Variants in ERVH48-1 observed in about 807,000 individuals in gnomAD.
The protein encoded by ERVH48-1 is suppressyn.
Under a neutral mutation model 2.4 loss-of-function variants are expected in ERVH48-1, and 4 were observed. That is an observed-to-expected ratio of 1.68 (90% confidence interval 0.83 to 3.84). The LOEUF is 3.84. Ranked by LOEUF, ERVH48-1 falls within the 30% of genes most tolerant of loss-of-function variation. The probability of loss-of-function intolerance (pLI) is 0.01; values close to 1 mark genes in which losing one functional copy is unlikely to be tolerated. For missense variants in ERVH48-1, 97 were observed against 43.4 expected (o/e 2.23, Z -3.47); for synonymous variants, 32 against 15.5 (o/e 2.06, Z -2.49).
intron 1 of ERVH48-1, among the ~76,000 whole-genome samples, chr21:42,922,274 G>T (rs2058808086): frequency 6.6e-6 from 1 of 152,014 alleles, no homozygotes; most frequent in Admixed American, 6.6e-5. Context: ...GATAAGGAAA[G>T]GTTGCATGTT....
At chr21:42,924,030 A>T (rs776145716) in intron 1 of ERVH48-1, among the ~76,000 whole-genome samples, 10 of 152,236 alleles carry the variant, frequency 6.6e-5, no homozygotes, top group Non-Finnish European at 1.0e-4. Context: ...CAGACGCTGA[A>T]GTAAGGGTGG....
chr21:42,917,225 T>G lies in ERVH48-1; in HGVS notation c.*1299A>C, dbSNP rs941577020. The stretch of plus-strand genomic sequence containing the variant: ...CTTGGAAAAAGAAAAACTTAATTTT[T>G]GGGGTATTCTTGAGAGACGGGTTGG... On this transcript the variant is annotated 3_prime_UTR_variant, in exon 2 of 2. Transcript: ENST00000447535. The G allele has an allele frequency of 2.6e-5, 4 of 152,146 alleles. No individual in the cohort carries two copies. Among genetic ancestry groups the G allele is most frequent in the Non-Finnish European group, 5.9e-5 (4 of 68,022 alleles). The allele number at this position is 152,146 out of a possible 1,614,324, so 9.4% of individuals were successfully genotyped here. A position where few individuals can be genotyped will look rare whatever the true frequency, so the allele number is the denominator to read the frequency against.
intron 1 of ERVH48-1, among the ~76,000 whole-genome samples, chr21:42,921,151 A>C (rs187263003): frequency 2.6e-5 from 4 of 152,178 alleles, no homozygotes; most frequent in Non-Finnish European, 5.9e-5. Context: ...AGACTGGGTT[A>C]GAACACGTAG....
At chr21:42,919,925 G>A (rs1307357519) in intron 1 of ERVH48-1, among the ~76,000 whole-genome samples, 1 of 152,164 alleles carries the variant, frequency 6.6e-6, no homozygotes. Context: ...CTTGCCCTGG[G>A]CTTGGTGGGT....
intron 1 of ERVH48-1, among the ~76,000 whole-genome samples, chr21:42,924,146 A>G (rs1217929485): frequency 6.6e-6 from 1 of 152,174 alleles, no homozygotes; most frequent in Non-Finnish European, 1.5e-5. Context: ...TTGAGTTAAT[A>G]GGCAGCAGAG....
intron 1 of ERVH48-1, among the ~76,000 whole-genome samples, chr21:42,922,917 T>C (rs1377292140): frequency 2.0e-5 from 3 of 152,058 alleles, no homozygotes; most frequent in African/African-American, 4.8e-5. Context: ...GTTGACTTGA[T>C]ATTAATTTTA....
chr21:42,925,442 T>C lies in ERVH48-1; in HGVS notation c.-382A>G. ...GGCTGCTGTGGCCTGCTTTCCCAGA[T>C]GGAGGGGTGGTAGGTCCACTGGGGA... On this transcript the variant is annotated 5_prime_UTR_variant, in exon 1 of 2. Transcript: ENST00000447535. The C allele has an allele frequency of 2.1e-6, 1 of 477,740 alleles. No individual in the cohort carries two copies. Among genetic ancestry groups the C allele is most frequent in the South Asian group, 1.9e-5 (1 of 53,572 alleles). 29.6% of individuals were successfully genotyped at this position (477,740 alleles called of 1,614,324 possible). A position where few individuals can be genotyped will look rare whatever the true frequency, so the allele number is the denominator to read the frequency against.
At position 42,918,152 on chromosome 21, in the gene ERVH48-1, TAGA is replaced by T. The variant is rs1046776263; in HGVS notation, c.*369_*371del. 9 of 236,018 alleles carry T rather than the reference TAGA, an allele frequency of 3.8e-5. No homozygotes were observed. Among genetic ancestry groups the T allele is most frequent in the Non-Finnish European group, 7.5e-5 (9 of 119,220 alleles). The allele number at this position is 236,018 out of a possible 1,614,324, so 14.6% of individuals were successfully genotyped here. A position where few individuals can be genotyped will look rare whatever the true frequency, so the allele number is the denominator to read the frequency against. Reference sequence around the variant, plus strand: ...AAGACACAATTGAGGTAGCTTAAGTTAGAAGGAGACCAGGCTCCAGGGGGTAAC... The same window carrying T: ...AAGACACAATTGAGGTAGCTTAAGTTAGGAGACCAGGCTCCAGGGGGTAAC... On this transcript the variant is annotated 3_prime_UTR_variant, in exon 2 of 2. Coordinates refer to ENST00000447535, the MANE Select transcript of ERVH48-1 (RefSeq NM_001308491.2).
chr21:42,922,090 G>A (rs1423561347), intron 1 of ERVH48-1, among the ~76,000 whole-genome samples: 2 of 152,098 alleles, frequency 1.3e-5, no homozygotes, highest in East Asian at 3.9e-4. Flanking sequence ...GGTGACTGGC[G>A]AGGAGGCGAG....
In ERVH48-1 at chr21:42,918,149, A is replaced by C. The variant is rs2058794353; in HGVS notation, c.*375T>G. The C allele has an allele frequency of 1.3e-5, 3 of 230,602 alleles. 1 individual carries two copies. Among genetic ancestry groups the C allele is most frequent in the Non-Finnish European group, 2.6e-5 (3 of 116,054 alleles). 14.3% of individuals were successfully genotyped at this position (230,602 alleles called of 1,614,324 possible). Reference sequence around the variant, plus strand: ...GACAAGACACAATTGAGGTAGCTTAAGTTAGAAGGAGACCAGGCTCCAGGG... The same window carrying C: ...GACAAGACACAATTGAGGTAGCTTACGTTAGAAGGAGACCAGGCTCCAGGG... On this transcript the variant is annotated 3_prime_UTR_variant, in exon 2 of 2. Coordinates refer to ENST00000447535, the MANE Select transcript of ERVH48-1 (RefSeq NM_001308491.2).
At chr21:42,919,641 G>A (rs138165570) in intron 1 of ERVH48-1, among the ~76,000 whole-genome samples, 213 of 152,316 alleles carry the variant, frequency 1.4e-3, no homozygotes, top group African/African-American at 5.0e-3. Flanking sequence ...CCGGTAGGGT[G>A]TGTGGAGAAC....
intron 1 of ERVH48-1, among the ~76,000 whole-genome samples, chr21:42,924,020 C>A (rs1373514792): frequency 2.6e-5 from 4 of 152,194 alleles, no homozygotes; most frequent in Non-Finnish European, 5.9e-5. Flanking sequence ...CATTCTAGCA[C>A]AGACGCTGAA....
rs1463465593 is a variant in ERVH48-1, at chr21:42,918,824, A to G, written c.183T>C (p.Phe61=). The G allele has an allele frequency of 2.2e-6, 1 of 456,784 alleles. No individual in the cohort carries two copies. Among genetic ancestry groups the G allele is most frequent in the Non-Finnish European group, 4.4e-6 (1 of 227,030 alleles). 28.3% of individuals were successfully genotyped at this position (456,784 alleles called of 1,614,324 possible). A position where few individuals can be genotyped will look rare whatever the true frequency, so the allele number is the denominator to read the frequency against. The change falls in exon 2 of 2, where the codon TTT becomes TTC. Residue 61 remains phenylalanine (F), a synonymous_variant. Transcript: ENST00000447535. ...ATCTTTCTATATGAGTATGGTAAGT[A>G]AAGTATTGTTGCATCTCCCCTCTGT... is the stretch of plus-strand genomic sequence containing the variant. The part of the protein sequence containing the change: ...LHYRGEMQQY[F]TYHTHIERSC...
rs2058791664 is a variant in ERVH48-1 at position 42,917,271 on chromosome 21, C to T, written c.*1253G>A. On this transcript the variant is annotated 3_prime_UTR_variant, in exon 2 of 2. Coordinates refer to ENST00000447535, the MANE Select transcript of ERVH48-1 (RefSeq NM_001308491.2). Reference sequence around the variant, plus strand: ...GTTGGTATCCATCGTGCCGCTGTAGCAGGAGCATCATCTGGATTGTCAGGA... The same window carrying T: ...GTTGGTATCCATCGTGCCGCTGTAGTAGGAGCATCATCTGGATTGTCAGGA... 1 of 152,172 alleles carries T rather than the reference C, an allele frequency of 6.6e-6. No individual in the cohort carries two copies. The highest frequency in any genetic ancestry group is 1.5e-5 in the Non-Finnish European group (1 of 68,042). The allele number at this position is 152,172 out of a possible 1,614,324, so 9.4% of individuals were successfully genotyped here. A position where few individuals can be genotyped will look rare whatever the true frequency, so the allele number is the denominator to read the frequency against.
At position 42,917,270 on chromosome 21, in the gene ERVH48-1, G is replaced by T. The variant is rs562438414; in HGVS notation, c.*1254C>A. On this transcript the variant is annotated 3_prime_UTR_variant, in exon 2 of 2. Coordinates refer to ENST00000447535, the MANE Select transcript of ERVH48-1 (RefSeq NM_001308491.2). ...GGTTGGTATCCATCGTGCCGCTGTA[G>T]CAGGAGCATCATCTGGATTGTCAGG... 25 of 152,320 alleles carry T rather than the reference G, an allele frequency of 1.6e-4. No individual in the cohort carries two copies. The highest frequency in any genetic ancestry group is 6.0e-4 in the African/African-American group (25 of 41,544). The allele number at this position is 152,320 out of a possible 1,614,324, so 9.4% of individuals were successfully genotyped here.
chr21:42,921,368 T>A (rs1367976552), intron 1 of ERVH48-1, among the ~76,000 whole-genome samples: 1 of 152,068 alleles, frequency 6.6e-6, no homozygotes, highest in Non-Finnish European at 1.5e-5. Flanking sequence ...ACCCAGAGCC[T>A]GAAATATCCC....
At position 42,917,911 on chromosome 21, in the gene ERVH48-1, A is replaced by T. The variant is rs759255885; in HGVS notation, c.*613T>A. 2.0e-5 allele frequency: 3 copies of T among 152,274 alleles called. No homozygotes were observed. Among genetic ancestry groups the T allele is most frequent in the Non-Finnish European group, 2.9e-5 (2 of 68,122 alleles). The allele number at this position is 152,274 out of a possible 1,614,324, so 9.4% of individuals were successfully genotyped here. On this transcript the variant is annotated 3_prime_UTR_variant, in exon 2 of 2. Transcript: ENST00000447535. ...GAGGGTGTTGCCCGCCTGCTTCGGAAGTAAAAAGAATCCAGGTTGAATTGT... is the reference window on the plus strand; with the variant it reads ...GAGGGTGTTGCCCGCCTGCTTCGGATGTAAAAAGAATCCAGGTTGAATTGT...
chr21:42,918,068 G>A lies in ERVH48-1; in HGVS notation c.*456C>T, dbSNP rs1426480293. 6.2e-6 allele frequency: 1 copy of A among 160,562 alleles called. No homozygotes were observed. The highest frequency in any genetic ancestry group is 2.4e-5 in the African/African-American group (1 of 41,550). The allele number at this position is 160,562 out of a possible 1,614,324, so 9.9% of individuals were successfully genotyped here. ...CTAGGATTGTCGCATAGTACACTTA[G>A]GCGGAGGTATGCGGCATAAGGGTTA... On this transcript the variant is annotated 3_prime_UTR_variant, in exon 2 of 2. Transcript: ENST00000447535.
At chr21:42,920,584 A>C (rs1012504084) in intron 1 of ERVH48-1, among the ~76,000 whole-genome samples, 1 of 152,214 alleles carries the variant, frequency 6.6e-6, no homozygotes, top group African/African-American at 2.4e-5. Flanking sequence ...GTGAGAGCTC[A>C]AGTGAGGACG....
Sources: gnomAD v4.1 joint callset for allele counts (sites outside exome capture counted in the v4.1 genomes callset) on GRCh38, gnomAD v4.1.1 for gene constraint, MANE v1.5 for transcripts, NCBI Gene and HGNC (gene_info 2026-07-23, HGNC 2026-07-21) for gene names.